AUH: variants seen among roughly 807,000 people sequenced by gnomAD.
AUH encodes AU RNA binding methylglutaconyl-CoA hydratase, also known as methylglutaconyl-CoA hydratase, mitochondrial.
In AUH, 29 loss-of-function variants were observed where a neutral mutation model predicts 42.3. The ratio of observed to expected loss-of-function variants is 0.69; its 90% CI spans 0.51 to 0.93. The LOEUF (loss-of-function observed/expected upper bound fraction) is 0.93, where lower values mean the gene tolerates loss of function less well. AUH is among the 40% of genes least tolerant of loss of function. The pLI, the probability that AUH is intolerant of heterozygous loss-of-function variation, is 0.00. For missense variants in AUH, 452 were observed against 438.1 expected (o/e 1.03, Z -0.28); for synonymous variants, 174 against 166.4 (o/e 1.05, Z -0.35).
At chr9:91,304,732 CA>C (rs1320578226) in intron 4 of AUH, among the ~76,000 whole-genome samples, 1 of 152,074 alleles carries the variant, frequency 6.6e-6, no homozygotes, top group African/African-American at 2.4e-5. Context: ...AAGCCGTCTA[CA>C]AAATGTTTCT....
chr9:91,361,073 C>G (rs1832811987), intron 1 of AUH, among the ~76,000 whole-genome samples: 1 of 152,164 alleles, frequency 6.6e-6, no homozygotes, highest in Non-Finnish European at 1.5e-5. Context: ...ATCGCCAGAG[C>G]TGAGGAAAAT....
chr9:91,230,460 T>A (rs540660518), intron 6 of AUH, among the ~76,000 whole-genome samples: 93 of 151,648 alleles, frequency 6.1e-4, no homozygotes, highest in African/African-American at 2.1e-3. Flanking sequence ...TTCTTCTAAA[T>A]TTTTTTCAAA....
chr9:91,237,738 T>C (rs2131323453), intron 6 of AUH, among the ~76,000 whole-genome samples: 1 of 152,306 alleles, frequency 6.6e-6, no homozygotes, highest in South Asian at 2.1e-4. Context: ...ATGACCAAAA[T>C]AGTCATCAAT....
chr9:91,313,229 G>T (rs1025316152), intron 4 of AUH, among the ~76,000 whole-genome samples: 1 of 152,174 alleles, frequency 6.6e-6, no homozygotes, highest in Non-Finnish European at 1.5e-5. Context: ...TTTTGCAGGA[G>T]TGACTATATC....
In AUH at chr9:91,324,787, A is replaced by G. The variant is rs533519945; in HGVS notation, c.505+531T>C. 1.5e-3 allele frequency among the ~76,000 whole-genome samples: 229 copies of G among 152,094 alleles called. 1 individual carries two copies. Among genetic ancestry groups the G allele is most frequent in the African/African-American group, 4.9e-3 (204 of 41,568 alleles). ...AAAATGAACAAATGATAACTGGAAC[A>G]GCGATTCCCTGTTTAAGAATCTATG... On this transcript the variant is annotated intron_variant, in intron 4 of 9. Coordinates refer to ENST00000375731, the MANE Select transcript of AUH (RefSeq NM_001698.3).
At chr9:91,255,739 CATAAA>C (rs1829372723) in intron 6 of AUH, among the ~76,000 whole-genome samples, 1 of 152,102 alleles carries the variant, frequency 6.6e-6, no homozygotes, top group Non-Finnish European at 1.5e-5. Flanking sequence ...AGTTAGTAGT[CATAAA>C]ATAATTTTTA....
chr9:91,288,349 T>G (rs1826585021), intron 6 of AUH, among the ~76,000 whole-genome samples: 1 of 152,156 alleles, frequency 6.6e-6, no homozygotes, highest in Non-Finnish European at 1.5e-5. Flanking sequence ...TTAGGAACTA[T>G]TTCTAAAAGA....
intron 6 of AUH, among the ~76,000 whole-genome samples, chr9:91,257,927 T>C (rs190645993): frequency 6.6e-6 from 1 of 152,366 alleles, no homozygotes; most frequent in East Asian, 1.9e-4. Flanking sequence ...TCTTTCATTT[T>C]TGCTCAGTCA....
intron 6 of AUH, among the ~76,000 whole-genome samples, chr9:91,266,277 G>A (rs969340297): frequency 1.3e-5 from 2 of 151,990 alleles, no homozygotes; most frequent in South Asian, 2.1e-4. Context: ...CAGGAGAATC[G>A]CTTGAACCTG....
intron 6 of AUH, among the ~76,000 whole-genome samples, chr9:91,258,683 C>T (rs967636094): frequency 6.6e-6 from 1 of 152,184 alleles, no homozygotes; most frequent in Non-Finnish European, 1.5e-5. Flanking sequence ...AATATGCTAA[C>T]TGTAAATGTT....
chr9:91,239,814 C>T (rs1001918707), intron 6 of AUH, among the ~76,000 whole-genome samples: 3 of 152,100 alleles, frequency 2.0e-5, no homozygotes, highest in African/African-American at 4.8e-5. Context: ...CTAACTGGCT[C>T]AACCCCAGCA....
At chr9:91,263,349 A>G (rs558984867) in intron 6 of AUH, among the ~76,000 whole-genome samples, 1 of 152,230 alleles carries the variant, frequency 6.6e-6, no homozygotes, top group African/African-American at 2.4e-5. Context: ...AAAAAGCACA[A>G]ATGTTTTCAG....
chr9:91,272,391 C>A (rs1413682263), intron 6 of AUH, among the ~76,000 whole-genome samples: 1 of 152,204 alleles, frequency 6.6e-6, no homozygotes, highest in East Asian at 1.9e-4. Context: ...TTGCTTTCTA[C>A]ACATCCCGTC....
At chr9:91,277,391 A>G (rs576080167) in intron 6 of AUH, among the ~76,000 whole-genome samples, 39 of 152,338 alleles carry the variant, frequency 2.6e-4, no homozygotes, top group African/African-American at 9.4e-4. Context: ...AGTATTATCA[A>G]CATTTCAAGA....
intron 6 of AUH, among the ~76,000 whole-genome samples, chr9:91,248,772 C>G (rs79858731): frequency 6.6e-6 from 1 of 152,200 alleles, no homozygotes; most frequent in Non-Finnish European, 1.5e-5. Context: ...TATAAAGGAA[C>G]AAGGATGAAC....
intron 6 of AUH, among the ~76,000 whole-genome samples, chr9:91,274,075 T>C (rs971578593): frequency 1.3e-5 from 2 of 152,072 alleles, no homozygotes; most frequent in African/African-American, 2.4e-5. Flanking sequence ...ACTGTGCCTA[T>C]TGAAAAGCAA....
intron 1 of AUH, among the ~76,000 whole-genome samples, chr9:91,359,717 T>C (rs1398322466): frequency 6.6e-6 from 1 of 152,176 alleles, no homozygotes; most frequent in African/African-American, 2.4e-5. Flanking sequence ...TGCATGCTGT[T>C]TGAGGCTCCT....
chr9:91,358,581 T>C (rs1832614234), intron 1 of AUH, among the ~76,000 whole-genome samples: 1 of 152,220 alleles, frequency 6.6e-6, no homozygotes, highest in African/African-American at 2.4e-5. Flanking sequence ...ATGATACATG[T>C]AAAATTTACA....
chr9:91,317,184 T>C (rs776471933), intron 4 of AUH, among the ~76,000 whole-genome samples: 1 of 152,146 alleles, frequency 6.6e-6, no homozygotes, highest in Non-Finnish European at 1.5e-5. Context: ...GACGCTTCAT[T>C]TTCTTCTTTA....
Sources: gnomAD v4.1 joint callset for allele counts (sites outside exome capture counted in the v4.1 genomes callset) on GRCh38, gnomAD v4.1.1 for gene constraint, MANE v1.5 for transcripts, NCBI Gene and HGNC (gene_info 2026-07-23, HGNC 2026-07-21) for gene names.